TMPRSS15: variants seen among roughly 807,000 people sequenced by gnomAD.
The protein encoded by TMPRSS15 is transmembrane serine protease 15, also known as enteropeptidase.
Under a neutral mutation model 125.3 loss-of-function variants are expected in TMPRSS15, and 128 were observed. The observed-to-expected ratio is 1.02, with a 90% CI of 0.89 to 1.18. The LOEUF (loss-of-function observed/expected upper bound fraction) is 1.18, where lower values mean the gene tolerates loss of function less well. TMPRSS15 is among the 50% of genes most tolerant of loss of function. TMPRSS15 has a pLI of 0.00. For missense variants in TMPRSS15, 1,283 were observed against 1,212.7 expected (o/e 1.06, Z -0.86); for synonymous variants, 446 against 423.2 (o/e 1.05, Z -0.66).
intron 1 of TMPRSS15, among the ~76,000 whole-genome samples, chr21:18,461,853 T>C (rs1978557279): frequency 6.6e-6 from 1 of 152,162 alleles, no homozygotes. Flanking sequence ...CTTCATGTTT[T>C]ATAAAATAGG....
At chr21:18,409,918 C>T (rs1192995465) in intron 1 of TMPRSS15, among the ~76,000 whole-genome samples, 1 of 132,982 alleles carries the variant, frequency 7.5e-6, no homozygotes, top group African/African-American at 2.9e-5. Flanking sequence ...TCCCTCCCTC[C>T]CTTCCTTCCT....
intron 5 of TMPRSS15, among the ~76,000 whole-genome samples, chr21:18,374,899 G>T (rs1386157363): frequency 2.6e-5 from 4 of 152,210 alleles, no homozygotes; most frequent in African/African-American, 7.2e-5. Flanking sequence ...AAGATTAGTG[G>T]AGGTGAAGAA....
At chr21:18,289,480 C>A (rs2074807766) in intron 21 of TMPRSS15, among the ~76,000 whole-genome samples, 1 of 152,100 alleles carries the variant, frequency 6.6e-6, no homozygotes, top group African/African-American at 2.4e-5. Flanking sequence ...CCATTGCACT[C>A]CAGCCTGGGC....
At chr21:18,471,204 T>C (rs4818415) in intron 1 of TMPRSS15, among the ~76,000 whole-genome samples, 69,137 of 151,776 alleles carry the variant, frequency 0.46, 17,081 homozygotes, top group East Asian at 0.93. Context: ...GTTTTGATAA[T>C]AACAACAACA....
chr21:18,414,344 TGTGA>T lies in TMPRSS15; in HGVS notation c.11-16019_11-16016del, dbSNP rs535487897. Reference sequence around the variant, plus strand: ...TGTGTCCCTTTACTTCTTGTGTGTGTGTGAGTGTGTGATTTTTGAACATAACGTG... The same window carrying T: ...TGTGTCCCTTTACTTCTTGTGTGTGTGTGTGTGATTTTTGAACATAACGTG... On this transcript the variant is annotated intron_variant, in intron 1 of 7. Coordinates refer to the TMPRSS15 transcript ENST00000422787. Among the ~76,000 whole-genome samples, 17 of 152,322 alleles carry T rather than the reference TGTGA, an allele frequency of 1.1e-4. No homozygotes were observed. In the East Asian group the frequency reaches 1.7e-3, roughly 16 times the overall value.
intron 1 of TMPRSS15, among the ~76,000 whole-genome samples, chr21:18,451,884 A>ACATGCATGACATGCATGCATAATTT (rs1569071721): frequency 8.1e-6 from 1 of 124,036 alleles, no homozygotes; most frequent in East Asian, 2.0e-4. Context: ...CATGCATAAG[A>ACATGCATGACATGCATGCATAATTT]CATGCATGAC....
chr21:18,315,279 G>A (rs1342259200), intron 16 of TMPRSS15, 23 bp from the exon 17 acceptor site: 3 of 1,575,154 alleles, frequency 1.9e-6, no homozygotes, highest in East Asian at 2.2e-5. Context: ...AATGTTTATT[G>A]TATAGGATAA....
chr21:18,395,947 G>A (rs1279114589), intron 3 of TMPRSS15, among the ~76,000 whole-genome samples: 1 of 152,176 alleles, frequency 6.6e-6, no homozygotes, highest in Non-Finnish European at 1.5e-5. Context: ...CTTGTACATT[G>A]TGCTTTCATT....
intron 15 of TMPRSS15, among the ~76,000 whole-genome samples, chr21:18,328,753 TA>T (rs756936850): frequency 3.9e-5 from 6 of 152,082 alleles, no homozygotes; most frequent in Non-Finnish European, 5.9e-5. Context: ...ACTGCATATT[TA>T]AAAATAACTA....
chr21:18,365,643 T>TCTTCCTTCCTTCCTTCCTTCCTTCCTTCC (rs1555904770), intron 6 of TMPRSS15, among the ~76,000 whole-genome samples: 1 of 26,776 alleles, frequency 3.7e-5, no homozygotes, highest in East Asian at 1.4e-3. Context: ...TCTCTCTCTT[T>TCTTCCTTCCTTCCTTCCTTCCTTCCTTCC]TTCCTCCCTT....
At chr21:18,440,372 C>CAAAAAAAAAAAAAAAAAAAAAAAAAAA (rs539968323) in intron 1 of TMPRSS15, among the ~76,000 whole-genome samples, 2 of 47,432 alleles carry the variant, frequency 4.2e-5, no homozygotes, top group African/African-American at 1.7e-4. Context: ...AACTCCGTCT[C>CAAAAAAAAAAAAAAAAAAAAAAAAAAA]AAAAAAAAAA....
At chr21:18,361,113 A>T (rs2075676175) in intron 7 of TMPRSS15, among the ~76,000 whole-genome samples, 1 of 152,134 alleles carries the variant, frequency 6.6e-6, no homozygotes, top group African/African-American at 2.4e-5. Flanking sequence ...AAGAGCATAG[A>T]AGGAAAAGTG....
At chr21:18,311,946 A>G (rs1291109987) in intron 18 of TMPRSS15, among the ~76,000 whole-genome samples, 1 of 152,172 alleles carries the variant, frequency 6.6e-6, no homozygotes, top group Non-Finnish European at 1.5e-5. Flanking sequence ...GTATTGCTTA[A>G]GTATTTGGCA....
intron 23 of TMPRSS15, among the ~76,000 whole-genome samples, chr21:18,277,506 A>C (rs1179622056): frequency 6.6e-6 from 1 of 152,192 alleles, no homozygotes; most frequent in Admixed American, 6.5e-5. Context: ...AATATTTTTC[A>C]AGAGGGAGAA....
At position 18,341,442 on chromosome 21, in the gene TMPRSS15, A is replaced by G. The variant is rs1420856651; in HGVS notation, c.1535T>C (p.Leu512Ser). The G allele has an allele frequency of 3.1e-6, 5 of 1,614,048 alleles. No individual in the cohort carries two copies. The East Asian group carries it at 6.7e-5, about 22-fold the overall frequency. The change falls in exon 13 of 25, where the codon TTG (leucine) becomes TCG (serine). Residue 512 changes from leucine to serine, a missense_variant. Coordinates refer to ENST00000284885, the MANE Select transcript of TMPRSS15 (RefSeq NM_002772.3). ...AAGTTCTGGTGGAGGAGTTGGCACC[A>G]AAGTTGGTTCTGGATAAAGACTCCC... ...CNGSLYPEPT[L>S]VPTPPPELPT...
chr21:18,451,267 G>A (rs8134190), intron 1 of TMPRSS15, among the ~76,000 whole-genome samples: 14,096 of 151,982 alleles, frequency 0.093, 1,857 homozygotes, highest in African/African-American at 0.3. Context: ...TAGCTTATCT[G>A]TTGTTATGGA....
At position 18,341,373 on chromosome 21, in the gene TMPRSS15, A is replaced by T. The variant is rs757960137; in HGVS notation, c.1564+40T>A. The stretch of plus-strand genomic sequence containing the variant: ...GCTGTGAGCCTCCACACCTGACGTT[A>T]ATGATTTAATAAGACAAAATACACA... On this transcript the variant is annotated intron_variant, in intron 13 of 24. Coordinates refer to ENST00000284885, the MANE Select transcript of TMPRSS15 (RefSeq NM_002772.3). The T allele has an allele frequency of 3.1e-6, 5 of 1,613,286 alleles. No individual in the cohort carries two copies. In the South Asian group the frequency reaches 4.4e-5, roughly 14 times the overall value.
chr21:18,456,672 T>C (rs961589558), intron 1 of TMPRSS15, among the ~76,000 whole-genome samples: 14 of 152,234 alleles, frequency 9.2e-5, no homozygotes, highest in African/African-American at 3.1e-4. Context: ...TAGAGCTGTA[T>C]ATTATTCATT....
At chr21:18,404,743 T>G (rs2076134898), upstream of TMPRSS15, among the ~76,000 whole-genome samples, 1 of 152,070 alleles carries the variant, frequency 6.6e-6, no homozygotes, top group South Asian at 2.1e-4. Context: ...TGTGGCATAT[T>G]ATAATGGGCT....
Sources: gnomAD v4.1 joint callset for allele counts (sites outside exome capture counted in the v4.1 genomes callset) on GRCh38, gnomAD v4.1.1 for gene constraint, MANE v1.5 for transcripts, NCBI Gene and HGNC (gene_info 2026-07-23, HGNC 2026-07-21) for gene names.